Variants in SAMD12 observed in about 807,000 individuals in gnomAD.
SAMD12 encodes sterile alpha motif domain-containing protein 12.
A neutral mutation model predicts 15.0 loss-of-function variants in SAMD12; 9 were observed. The ratio of observed to expected loss-of-function variants is 0.60; its 90% confidence interval spans 0.36 to 1.05. SAMD12 has a LOEUF of 1.05. Among genes scored for constraint, SAMD12 ranks in the 50% least tolerant of loss-of-function variants. The pLI is 0.01. For missense variants in SAMD12, 230 were observed against 234.2 expected (o/e 0.98, Z 0.12); for synonymous variants, 86 against 90.1 (o/e 0.96, Z 0.25).
chr8:118,211,018 G>C (rs1811807171), intron 4 of SAMD12, among the ~76,000 whole-genome samples: 1 of 152,172 alleles, frequency 6.6e-6, no homozygotes. Flanking sequence ...CCAGTCTAAT[G>C]AGAGATTCGC....
chr8:118,467,160 C>A (rs746954472), intron 2 of SAMD12, among the ~76,000 whole-genome samples: 3 of 152,200 alleles, frequency 2.0e-5, no homozygotes, highest in Non-Finnish European at 4.4e-5. Flanking sequence ...CCTGCCTGAA[C>A]TTCTTGTTTA....
intron 3 of SAMD12, among the ~76,000 whole-genome samples, chr8:118,407,274 C>T (rs1410157954): frequency 1.3e-5 from 2 of 152,088 alleles, no homozygotes; most frequent in Non-Finnish European, 2.9e-5. Flanking sequence ...CACTATTTTA[C>T]AATCTCAACA....
intron 2 of SAMD12, among the ~76,000 whole-genome samples, chr8:118,451,300 GAATT>G (rs1178483767): frequency 6.6e-6 from 1 of 152,152 alleles, no homozygotes; most frequent in African/African-American, 2.4e-5. Context: ...CTTCCTTAAT[GAATT>G]AAGATAAACC....
intron 4 of SAMD12, among the ~76,000 whole-genome samples, chr8:118,293,420 C>T (rs1163766326): frequency 6.6e-6 from 1 of 152,092 alleles, no homozygotes; most frequent in Admixed American, 6.5e-5. Flanking sequence ...TTTTTGCCCA[C>T]ATTAGTGGTG....
chr8:118,476,858 G>C (rs769973439), intron 2 of SAMD12, among the ~76,000 whole-genome samples: 1 of 152,128 alleles, frequency 6.6e-6, no homozygotes, highest in South Asian at 2.1e-4. Flanking sequence ...TTTAGCTCGA[G>C]TAGTTCTCTG....
chr8:118,327,001 T>C (rs1385348607), intron 4 of SAMD12, among the ~76,000 whole-genome samples: 2 of 152,328 alleles, frequency 1.3e-5, no homozygotes, highest in African/African-American at 4.8e-5. Flanking sequence ...AAAGTAACCA[T>C]GCAGTGGCCT....
intron 3 of SAMD12, among the ~76,000 whole-genome samples, chr8:118,388,532 T>A (rs555100968): frequency 7.2e-5 from 11 of 152,302 alleles, no homozygotes; most frequent in African/African-American, 2.6e-4. Flanking sequence ...TTATTATGTT[T>A]GTCTTTGGAT....
intron 2 of SAMD12, among the ~76,000 whole-genome samples, chr8:118,457,066 T>C (rs1477326888): frequency 6.6e-6 from 1 of 152,186 alleles, no homozygotes; most frequent in African/African-American, 2.4e-5. Flanking sequence ...AGAATTCAAT[T>C]AGAAAATAAA....
intron 4 of SAMD12, among the ~76,000 whole-genome samples, chr8:118,204,047 C>T (rs1031064949): frequency 6.6e-5 from 10 of 151,682 alleles, no homozygotes; most frequent in African/African-American, 2.4e-4. Flanking sequence ...AATTTCAAAC[C>T]TCACTCCCCT....
intron 3 of SAMD12, among the ~76,000 whole-genome samples, chr8:118,431,741 A>G (rs959760219): frequency 6.6e-6 from 1 of 150,906 alleles, no homozygotes; most frequent in East Asian, 1.9e-4. Context: ...TGAGAAAAGT[A>G]GTTCAAATAT....
At chr8:118,283,344 A>G (rs541257763) in intron 4 of SAMD12, among the ~76,000 whole-genome samples, 1 of 152,354 alleles carries the variant, frequency 6.6e-6, no homozygotes, top group East Asian at 1.9e-4. Context: ...AGGTCAGAGC[A>G]ATTAGGCATG....
the SAMD12 span, among the ~76,000 whole-genome samples, chr8:118,135,812 G>A: frequency 3.9e-5 from 6 of 152,108 alleles, no homozygotes; most frequent in Non-Finnish European, 8.8e-5. Flanking sequence ...GCCTTCCAAA[G>A]TGCTGAGATT....
chr8:118,273,971 A>C (rs1481444789), intron 4 of SAMD12, among the ~76,000 whole-genome samples: 1 of 152,196 alleles, frequency 6.6e-6, no homozygotes, highest in Non-Finnish European at 1.5e-5. Flanking sequence ...ATTGCGCTGC[A>C]CTCAACGTAA....
chr8:118,243,320 T>A (rs1021844900), intron 4 of SAMD12, among the ~76,000 whole-genome samples: 10 of 152,054 alleles, frequency 6.6e-5, no homozygotes, highest in Non-Finnish European at 1.5e-5. Flanking sequence ...GATGTGAAAT[T>A]TGAAAACAAG....
At chr8:118,195,819 A>C (rs750345767) in exon 5 of SAMD12, 5 of 152,484 alleles carry the variant, frequency 3.3e-5, no homozygotes, top group African/African-American at 9.6e-5. Context: ...GAATAAAGGA[A>C]GGAATGAAAG....
chr8:118,159,719 CTTTTTTTTT>C, the SAMD12 span, among the ~76,000 whole-genome samples: 1 of 143,258 alleles, frequency 7.0e-6, no homozygotes, highest in East Asian at 2.0e-4. Context: ...CTTTTTTTTT[CTTTTTTTTT>C]TTTTGAGAGG....
At chr8:118,494,335 T>C (rs952632915) in intron 2 of SAMD12, among the ~76,000 whole-genome samples, 1 of 152,204 alleles carries the variant, frequency 6.6e-6, no homozygotes, top group African/African-American at 2.4e-5. Flanking sequence ...TAAATTTGTG[T>C]TTTTATCCAC....
rs1293868720 is a variant in SAMD12 at position 118,418,417 on chromosome 8, C to T, written c.322+21415G>A. 5.9e-5 allele frequency among the ~76,000 whole-genome samples: 9 copies of T among 152,198 alleles called. No homozygotes were observed. The East Asian group carries it at 1.4e-3, about 23-fold the overall frequency. ...AGAAGGGATATAGACTGCAAAAGCT[C>T]CCCAAAAGAAAAGCCAGGCCAGGCG... On this transcript the variant is annotated intron_variant, in intron 3 of 3. Transcript: ENST00000314727.
intron 3 of SAMD12, among the ~76,000 whole-genome samples, chr8:118,430,371 C>T (rs1336331952): frequency 8.9e-5 from 13 of 146,084 alleles, no homozygotes; most frequent in African/African-American, 2.8e-4. Flanking sequence ...CTGTAATTGC[C>T]TTTTTTTTTT....
Sources: allele counts gnomAD v4.1 joint callset (sites outside exome capture counted in the v4.1 genomes callset), GRCh38; gene constraint gnomAD v4.1.1; transcripts MANE v1.5; gene names NCBI Gene and HGNC (gene_info 2026-07-23, HGNC 2026-07-21).